SUPT3H: variants seen among roughly 807,000 people sequenced by gnomAD.
SUPT3H encodes transcription initiation protein SPT3 homolog.
Under a neutral mutation model 44.3 loss-of-function variants are expected in SUPT3H, and 44 were observed. The ratio of observed to expected loss-of-function variants is 0.99; its 90% CI spans 0.78 to 1.28. The LOEUF is 1.28. Among genes scored for constraint, SUPT3H ranks in the 50% most tolerant of loss-of-function variants. SUPT3H has a pLI of 0.00. For missense variants in SUPT3H, 380 were observed against 387.1 expected (o/e 0.98, Z 0.15); for synonymous variants, 124 against 125.6 (o/e 0.99, Z 0.09).
At chr6:45,102,173 A>C (rs1264283840) in intron 3 of SUPT3H, among the ~76,000 whole-genome samples, 1 of 152,192 alleles carries the variant, frequency 6.6e-6, no homozygotes, top group Non-Finnish European at 1.5e-5. Flanking sequence ...AAACTAACAA[A>C]TATAATGTAT....
intron 2 of SUPT3H, among the ~76,000 whole-genome samples, chr6:45,326,620 A>T (rs189400311): frequency 6.6e-6 from 1 of 152,078 alleles, no homozygotes; most frequent in East Asian, 1.9e-4. Flanking sequence ...GGTTCTGGAC[A>T]TTTGAAAAAT....
chr6:45,282,305 C>T (rs1471633549), intron 2 of SUPT3H, among the ~76,000 whole-genome samples: 1 of 143,040 alleles, frequency 7.0e-6, no homozygotes, highest in Admixed American at 7.3e-5. Context: ...AAAGGAGGTT[C>T]GAACGCTTCG....
At chr6:44,816,997 G>A (rs561084204) in intron 11 of SUPT3H, among the ~76,000 whole-genome samples, 1 of 152,008 alleles carries the variant, frequency 6.6e-6, no homozygotes, top group Admixed American at 6.6e-5. Context: ...GGAGTTCCAG[G>A]TTGCAGTGAG....
At chr6:45,030,759 A>AC (rs1168733435) in intron 3 of SUPT3H, among the ~76,000 whole-genome samples, 1 of 152,184 alleles carries the variant, frequency 6.6e-6, no homozygotes, top group Non-Finnish European at 1.5e-5. Flanking sequence ...ATTACTAATT[A>AC]CCCTTGTTTT....
At chr6:45,051,917 A>G (rs1300679170) in intron 3 of SUPT3H, among the ~76,000 whole-genome samples, 1 of 152,314 alleles carries the variant, frequency 6.6e-6, no homozygotes, top group East Asian at 1.9e-4. Flanking sequence ...TCATGGAATT[A>G]ATGGCTGAAA....
downstream of SUPT3H, among the ~76,000 whole-genome samples, chr6:44,824,723 A>T (rs1414025900): frequency 6.6e-6 from 1 of 152,154 alleles, no homozygotes; most frequent in Non-Finnish European, 1.5e-5. Flanking sequence ...TGGGCAACAA[A>T]GAGAGACCTG....
intron 2 of SUPT3H, among the ~76,000 whole-genome samples, chr6:45,176,172 T>C (rs1240706836): frequency 1.3e-5 from 2 of 151,670 alleles, no homozygotes; most frequent in Non-Finnish European, 2.9e-5. Flanking sequence ...ACTGGGTTCA[T>C]CTCACTAGGG....
chr6:44,957,122 T>G (rs1562133137), intron 7 of SUPT3H, among the ~76,000 whole-genome samples: 1 of 152,332 alleles, frequency 6.6e-6, no homozygotes, highest in South Asian at 2.1e-4. Flanking sequence ...TAAGATTTTC[T>G]TTATAATCCA....
intron 2 of SUPT3H, among the ~76,000 whole-genome samples, chr6:45,180,057 T>C (rs1466288636): frequency 6.6e-6 from 1 of 150,514 alleles, no homozygotes; most frequent in Non-Finnish European, 1.5e-5. Flanking sequence ...ATCACAAGCA[T>C]TCTTATACAC....
intron 10 of SUPT3H, among the ~76,000 whole-genome samples, chr6:44,850,745 C>CATCTATCT (rs56936002): frequency 0.3 from 44,886 of 147,340 alleles, 6,971 homozygotes; most frequent in African/African-American, 0.36. Flanking sequence ...GTTTTATATA[C>CATCTATCT]ATCTATCTAT....
At chr6:45,041,931 C>T (rs1012349309) in intron 3 of SUPT3H, among the ~76,000 whole-genome samples, 3 of 152,138 alleles carry the variant, frequency 2.0e-5, no homozygotes, top group Admixed American at 2.0e-4. Context: ...CCATGGTACG[C>T]AGGCCTCCAT....
intron 9 of SUPT3H, among the ~76,000 whole-genome samples, chr6:44,951,114 A>G (rs893504805): frequency 6.6e-6 from 1 of 152,090 alleles, no homozygotes; most frequent in African/African-American, 2.4e-5. Context: ...TTCTCCTTCT[A>G]AAATGGTACT....
chr6:45,021,564 T>C (rs1411576040), intron 3 of SUPT3H, among the ~76,000 whole-genome samples: 8 of 151,992 alleles, frequency 5.3e-5, no homozygotes, highest in Admixed American at 5.3e-4. Context: ...AAACCAAGTC[T>C]ATCCAATATG....
chr6:44,980,373 T>A (rs906824649), intron 6 of SUPT3H, among the ~76,000 whole-genome samples: 1 of 152,158 alleles, frequency 6.6e-6, no homozygotes, highest in Non-Finnish European at 1.5e-5. Context: ...TCATCAATGT[T>A]ATAACAAAAT....
intron 2 of SUPT3H, among the ~76,000 whole-genome samples, chr6:45,164,542 C>A (rs937631475): frequency 1.3e-5 from 2 of 152,128 alleles, no homozygotes; most frequent in African/African-American, 2.4e-5. Context: ...AGTCAACCTA[C>A]AAGTGTCTGC....
intron 3 of SUPT3H, among the ~76,000 whole-genome samples, chr6:45,085,149 A>G (rs1796330617): frequency 6.6e-6 from 1 of 152,178 alleles, no homozygotes; most frequent in Non-Finnish European, 1.5e-5. Flanking sequence ...ATTAAAAATA[A>G]ATAAAAATGT....
intron 11 of SUPT3H, among the ~76,000 whole-genome samples, chr6:44,811,299 T>A (rs1380113190): frequency 6.6e-6 from 1 of 152,130 alleles, no homozygotes; most frequent in Non-Finnish European, 1.5e-5. Context: ...GGGTTATGGG[T>A]TATTGGGAAG....
chr6:45,251,745 G>A (rs980938213), intron 2 of SUPT3H, among the ~76,000 whole-genome samples: 1 of 151,876 alleles, frequency 6.6e-6, no homozygotes, highest in Non-Finnish European at 1.5e-5. Flanking sequence ...CATAAACAAA[G>A]GCCAGTGCTA....
intron 11 of SUPT3H, among the ~76,000 whole-genome samples, chr6:44,814,497 C>T (rs757846068): frequency 3.9e-5 from 6 of 152,042 alleles, no homozygotes; most frequent in Admixed American, 1.3e-4. Flanking sequence ...AAGCAGCCTT[C>T]GAGATGGGAG....
Sources: gnomAD v4.1 joint callset for allele counts (sites outside exome capture counted in the v4.1 genomes callset) on GRCh38, gnomAD v4.1.1 for gene constraint, MANE v1.5 for transcripts, NCBI Gene and HGNC (gene_info 2026-07-23, HGNC 2026-07-21) for gene names.